Variants in CCDC91 observed in about 807,000 individuals in gnomAD.
CCDC91 encodes the protein coiled-coil domain containing 91.
A neutral mutation model predicts 63.2 loss-of-function variants in CCDC91; 48 were observed. The observed-to-expected ratio is 0.76, with a 90% confidence interval of 0.60 to 0.97. The LOEUF is 0.97. Among genes scored for constraint, CCDC91 ranks in the 50% least tolerant of loss-of-function variants. The pLI is 0.00. For synonymous variants in CCDC91, 167 were observed against 165.8 expected, an observed-to-expected ratio of 1.01 and a Z score of -0.06; for missense variants, 500 against 494.6, an observed-to-expected ratio of 1.01 and a Z score of -0.10.
At chr12:28,209,682 C>T (rs2135499160) in intron 1 of CCDC91, among the ~76,000 whole-genome samples, 1 of 152,296 alleles carries the variant, frequency 6.6e-6, no homozygotes, top group South Asian at 2.1e-4. Flanking sequence ...CCACCTGCCT[C>T]AGCCTCCCAA....
intron 12 of CCDC91, among the ~76,000 whole-genome samples, chr12:28,490,877 CAT>C (rs1402815434): frequency 6.6e-5 from 10 of 151,528 alleles, no homozygotes; most frequent in Admixed American, 5.9e-4. Context: ...AACTTACTGA[CAT>C]GTGGACAATC....
chr12:28,321,700 C>T (rs1005831018), intron 6 of CCDC91, among the ~76,000 whole-genome samples: 3 of 151,746 alleles, frequency 2.0e-5, no homozygotes, highest in Admixed American at 6.6e-5. Context: ...AAGCCCTCAC[C>T]GGAAAATGAT....
intron 3 of CCDC91, among the ~76,000 whole-genome samples, chr12:28,303,934 A>G (rs1938363065): frequency 6.6e-6 from 1 of 152,132 alleles, no homozygotes; most frequent in African/African-American, 2.4e-5. Context: ...ATGATACAGA[A>G]TTAGAAGTGG....
chr12:28,254,594 C>T (rs554663105), intron 1 of CCDC91, among the ~76,000 whole-genome samples: 81 of 151,860 alleles, frequency 5.3e-4, no homozygotes, highest in African/African-American at 1.9e-3. Context: ...ATTTTCTTTT[C>T]TCCTATTTAA....
intron 8 of CCDC91, among the ~76,000 whole-genome samples, chr12:28,435,534 G>C (rs780268188): frequency 4.0e-5 from 6 of 151,704 alleles, no homozygotes; most frequent in Non-Finnish European, 8.9e-5. Flanking sequence ...CTTAGAATGT[G>C]GTCTATGCTA....
At chr12:28,488,923 C>T (rs769457283) in intron 12 of CCDC91, among the ~76,000 whole-genome samples, 3 of 151,894 alleles carry the variant, frequency 2.0e-5, no homozygotes, top group Non-Finnish European at 2.9e-5. Flanking sequence ...ACTCATGGGT[C>T]AAATCCGGCC....
At chr12:28,437,241 T>C (rs1199959588) in intron 8 of CCDC91, among the ~76,000 whole-genome samples, 1 of 152,080 alleles carries the variant, frequency 6.6e-6, no homozygotes, top group African/African-American at 2.4e-5. Flanking sequence ...AATAATTTTA[T>C]ATTTTTTCTT....
chr12:28,499,028 CTGTT>C (rs201370306), intron 12 of CCDC91, among the ~76,000 whole-genome samples: 1,688 of 151,742 alleles, frequency 0.011, 12 homozygotes, highest in Middle Eastern at 0.02. Flanking sequence ...TAATCTAACT[CTGTT>C]TGTTCAAATT....
At chr12:28,457,154 G>A (rs181574726) in intron 11 of CCDC91, among the ~76,000 whole-genome samples, 34 of 152,100 alleles carry the variant, frequency 2.2e-4, no homozygotes, top group South Asian at 1.0e-3. Flanking sequence ...TCACCACTAC[G>A]AACAACAGCT....
intron 12 of CCDC91, among the ~76,000 whole-genome samples, chr12:28,498,946 A>G (rs1321344088): frequency 2.6e-5 from 4 of 151,718 alleles, no homozygotes; most frequent in Non-Finnish European, 4.4e-5. Context: ...CTCAGTATCT[A>G]GAATAAGCCT....
intron 11 of CCDC91, among the ~76,000 whole-genome samples, chr12:28,459,575 T>C (rs1435182806): frequency 6.6e-6 from 1 of 152,170 alleles, no homozygotes; most frequent in Non-Finnish European, 1.5e-5. Context: ...TTCATCACAC[T>C]GTCAGTTGGA....
intron 3 of CCDC91, among the ~76,000 whole-genome samples, chr12:28,280,594 A>C (rs1321939862): frequency 6.6e-6 from 1 of 152,146 alleles, no homozygotes; most frequent in African/African-American, 2.4e-5. Context: ...AGAAGAACAT[A>C]TAGGTAAATG....
chr12:28,306,408 G>A (rs182565201), intron 4 of CCDC91, among the ~76,000 whole-genome samples: 4 of 152,086 alleles, frequency 2.6e-5, no homozygotes, highest in African/African-American at 9.6e-5. Flanking sequence ...CTAGGTCTGT[G>A]TGTAAATTTA....
chr12:28,409,035 A>C (rs1947147975), intron 8 of CCDC91, among the ~76,000 whole-genome samples: 1 of 152,174 alleles, frequency 6.6e-6, no homozygotes, highest in Non-Finnish European at 1.5e-5. Context: ...ATGTTTTCTA[A>C]GTATAAAAGG....
intron 3 of CCDC91, among the ~76,000 whole-genome samples, chr12:28,264,920 AT>A (rs1947089088): frequency 1.3e-5 from 2 of 151,838 alleles, no homozygotes; most frequent in Non-Finnish European, 2.9e-5. Context: ...ACCTTATTTC[AT>A]TTTCAGTGAT....
intron 6 of CCDC91, among the ~76,000 whole-genome samples, chr12:28,316,716 T>A (rs1939924881): frequency 6.6e-6 from 1 of 151,672 alleles, no homozygotes. Context: ...TTTAAATGAG[T>A]CATTTAAGAT....
At chr12:28,329,724 G>A (rs191396803) in intron 6 of CCDC91, among the ~76,000 whole-genome samples, 2 of 152,100 alleles carry the variant, frequency 1.3e-5, no homozygotes, top group African/African-American at 4.8e-5. Context: ...CCATTAACTC[G>A]TCATTTACAT....
intron 6 of CCDC91, among the ~76,000 whole-genome samples, chr12:28,325,149 T>C (rs1371201658): frequency 6.6e-6 from 1 of 151,974 alleles, no homozygotes; most frequent in Admixed American, 6.6e-5. Flanking sequence ...AAGAAAGATA[T>C]TAGATAAATT....
chr12:28,251,176 G>T (rs1946096507), intron 1 of CCDC91, among the ~76,000 whole-genome samples: 1 of 152,018 alleles, frequency 6.6e-6, no homozygotes. Context: ...ATGCTAAGTG[G>T]ACAGTGTTAA....
Sources: gnomAD v4.1 joint callset for allele counts (sites outside exome capture counted in the v4.1 genomes callset) on GRCh38, gnomAD v4.1.1 for gene constraint, MANE v1.5 for transcripts, NCBI Gene and HGNC (gene_info 2026-07-23, HGNC 2026-07-21) for gene names.